Variants in CACNA1A observed in about 807,000 individuals in gnomAD.
The protein encoded by CACNA1A is voltage-dependent P/Q-type calcium channel subunit alpha-1A.
CACNA1A carries 57 observed loss-of-function variants against 262.4 expected under a neutral mutation model. That is an observed-to-expected ratio of 0.22 (90% confidence interval 0.18 to 0.27). The LOEUF (loss-of-function observed/expected upper bound fraction) is 0.27, where lower values mean the gene tolerates loss of function less well. Among genes scored for constraint, CACNA1A ranks in the 10% least tolerant of loss-of-function variants. CACNA1A has a pLI of 1.00. For missense variants in CACNA1A, 2,526 were observed against 3,562.8 expected, an observed-to-expected ratio of 0.71 and a Z score of 7.41; for synonymous variants, 1,431 against 1,419.3, an observed-to-expected ratio of 1.01 and a Z score of -0.18.
chr19:13,381,670 G>A (rs952050295), intron 3 of CACNA1A, among the ~76,000 whole-genome samples: 2 of 152,148 alleles, frequency 1.3e-5, no homozygotes, highest in Non-Finnish European at 2.9e-5. Context: ...TCCTCCTCCC[G>A]CTCTCCCCCT....
At chr19:13,258,840 G>A (rs2056642487) in intron 27 of CACNA1A, 1 of 152,020 alleles carries the variant, frequency 6.6e-6, no homozygotes, top group South Asian at 2.1e-4. Flanking sequence ...AGGGGGTACT[G>A]AAAATCTCAG....
At chr19:13,422,546 T>G (rs1388057263) in intron 3 of CACNA1A, among the ~76,000 whole-genome samples, 1 of 152,244 alleles carries the variant, frequency 6.6e-6, no homozygotes, top group African/African-American at 2.4e-5. Context: ...GGACTGGCCC[T>G]TGGCTGGCTC....
At chr19:13,379,195 G>A (rs2059469433) in intron 3 of CACNA1A, among the ~76,000 whole-genome samples, 1 of 151,914 alleles carries the variant, frequency 6.6e-6, no homozygotes, top group South Asian at 2.1e-4. Flanking sequence ...TTTGTTGCCT[G>A]GTTTCAAATC....
chr19:13,284,530 C>T (rs2057360147), intron 21 of CACNA1A: 1 of 152,326 alleles, frequency 6.6e-6, no homozygotes, highest in Admixed American at 6.5e-5. Context: ...GCCACTACGA[C>T]ATTCATGGGA....
intron 3 of CACNA1A, among the ~76,000 whole-genome samples, chr19:13,441,678 A>G (rs1328555557): frequency 6.6e-6 from 1 of 151,636 alleles, no homozygotes; most frequent in Non-Finnish European, 1.5e-5. Flanking sequence ...AAAAAAAAAA[A>G]AAAAAAAGAG....
At chr19:13,447,696 AGCTCCTGGCT>A (rs2060841012) in intron 3 of CACNA1A, among the ~76,000 whole-genome samples, 2 of 152,216 alleles carry the variant, frequency 1.3e-5, no homozygotes, top group Non-Finnish European at 2.9e-5. Context: ...AAGGCCTGAG[AGCTCCTGGCT>A]AACCATTGGT....
chr19:13,335,733 C>T, intron 7 of CACNA1A, 73 bp downstream of exon 7: 1 of 972,482 alleles, frequency 1.0e-6, no homozygotes, highest in Non-Finnish European at 1.6e-6. Flanking sequence ...AACAAAGCTT[C>T]AATGGCCTCT....
At chr19:13,361,333 C>G (rs541173196) in intron 5 of CACNA1A, among the ~76,000 whole-genome samples, 15 of 152,098 alleles carry the variant, frequency 9.9e-5, no homozygotes, top group African/African-American at 3.6e-4. Context: ...TCAGGCTGAA[C>G]GCTAAAGGTC....
intron 6 of CACNA1A, among the ~76,000 whole-genome samples, chr19:13,338,546 G>A (rs780889653): frequency 8.5e-6 from 1 of 117,610 alleles, no homozygotes; most frequent in Admixed American, 1.0e-4. Context: ...CAATAGGAGA[G>A]AGAGGATACA....
At chr19:13,418,086 T>G (rs994537213) in intron 3 of CACNA1A, among the ~76,000 whole-genome samples, 3 of 152,152 alleles carry the variant, frequency 2.0e-5, no homozygotes, top group Non-Finnish European at 4.4e-5. Context: ...CAAAACCATG[T>G]TGGTTTGAAT....
intron 1 of CACNA1A, among the ~76,000 whole-genome samples, chr19:13,469,371 C>T (rs1212593620): frequency 1.3e-5 from 2 of 152,058 alleles, no homozygotes; most frequent in East Asian, 3.8e-4. Context: ...ACCAATGTCT[C>T]CTCCAAGCCA....
chr19:13,427,420 C>A (rs1283211312), intron 3 of CACNA1A, among the ~76,000 whole-genome samples: 2 of 151,384 alleles, frequency 1.3e-5, no homozygotes, highest in African/African-American at 4.9e-5. Context: ...CCATTGCATT[C>A]CAGGCTGGGC....
chr19:13,246,164 G>A (rs1220751223), intron 30 of CACNA1A, among the ~76,000 whole-genome samples: 1 of 152,214 alleles, frequency 6.6e-6, no homozygotes, highest in Non-Finnish European at 1.5e-5. Context: ...ACAGCTGTGT[G>A]GCTATGGGCA....
At chr19:13,452,789 T>A in intron 3 of CACNA1A, 87 bp downstream of exon 3, 1 of 1,300,984 alleles carries the variant, frequency 7.7e-7, no homozygotes, top group Non-Finnish European at 1.1e-6. Context: ...GGCTCAGCCT[T>A]CCTGAGCCTG....
Position 13,421,255 on chromosome 19 carries a change from TC to T in CACNA1A, c.539+31620del, listed in dbSNP as rs1464211308. Among the ~76,000 whole-genome samples, 8 of 152,280 alleles carry T rather than the reference TC, an allele frequency of 5.3e-5. No individual in the cohort carries two copies. The East Asian group carries it at 5.8e-4, about 11-fold the overall frequency. ...TTATAGGAGAGAAATTATTTTTTTT[TC>T]TTTAAGGTTTTAATCCGGTGGCCTT... On this transcript the variant is annotated intron_variant, in intron 3 of 46. Transcript: ENST00000360228.
At chr19:13,402,219 C>G (rs1293215451) in intron 3 of CACNA1A, among the ~76,000 whole-genome samples, 1 of 152,240 alleles carries the variant, frequency 6.6e-6, no homozygotes, top group East Asian at 1.9e-4. Context: ...GAAGCCCCTT[C>G]TCCCATTGGG....
At chr19:13,314,547 G>A (rs1307503964) in intron 11 of CACNA1A, among the ~76,000 whole-genome samples, 1 of 152,142 alleles carries the variant, frequency 6.6e-6, no homozygotes, top group Non-Finnish European at 1.5e-5. Flanking sequence ...CCTTCCAGAG[G>A]ATACAGTGTT....
rs749638821 is a variant in CACNA1A at position 13,208,877 on chromosome 19, GGAT to G, written c.6656_6658del (p.His2219del). On this transcript the variant is annotated inframe_deletion, in exon 46 of 47. Transcript: ENST00000360228. ...ATAGCGGTCCTTGTCGGGGGGCGGG[GGAT>G]GGTGGTGGTGGTGGTGGTGGTGGTG... The G allele has an allele frequency of 1.6e-3, 2,139 of 1,373,696 alleles. 2 individuals are homozygous for G. Among genetic ancestry groups the G allele is most frequent in the Non-Finnish European group, 1.7e-3 (1,711 of 1,023,364 alleles). The allele number at this position is 1,373,696 out of a possible 1,614,324, so 85.1% of individuals were successfully genotyped here.
At chr19:13,325,074 T>TTCCCCTTCCCCTTCCTCCTCC (rs1568535605) in intron 10 of CACNA1A, among the ~76,000 whole-genome samples, 18 of 136,392 alleles carry the variant, frequency 1.3e-4, no homozygotes, top group African/African-American at 3.7e-4. Context: ...CCTCCTCCTC[T>TTCCCCTTCCCCTTCCTCCTCC]TCTTCTTCCC....
Sources: gnomAD v4.1 joint callset for allele counts (sites outside exome capture counted in the v4.1 genomes callset) on GRCh38, gnomAD v4.1.1 for gene constraint, MANE v1.5 for transcripts, NCBI Gene and HGNC (gene_info 2026-07-23, HGNC 2026-07-21) for gene names.